The following SETBP1 variants were observed in gnomAD, a reference collection of about 807,000 sequenced individuals.
The protein encoded by SETBP1 is SET-binding protein.
SETBP1 carries 9 observed loss-of-function variants against 101.0 expected under a neutral mutation model. The ratio of observed to expected loss-of-function variants is 0.09; its 90% CI spans 0.05 to 0.16. The LOEUF is 0.16. SETBP1 is among the 10% of genes least tolerant of loss of function. The pLI, the probability that SETBP1 is intolerant of heterozygous loss-of-function variation, is 1.00. For missense variants in SETBP1, 1,858 were observed against 2,033.8 expected (o/e 0.91, Z 1.66); for synonymous variants, 818 against 788.5 (o/e 1.04, Z -0.63).
rs78490077 is a variant in SETBP1 at position 44,821,347 on chromosome 18, T to A, written c.487-47883T>A. On this transcript the variant is annotated intron_variant, in intron 2 of 5. Transcript: ENST00000649279. ...CTCTTTCCTTTTGCATCTGTCATTA[T>A]GGTCACATCAGTCTCCTGGATTTCC... Among the ~76,000 whole-genome samples the A allele has an allele frequency of 7.6e-3, 1,159 of 152,342 alleles. 14 individuals are homozygous for A. Among genetic ancestry groups the A allele is most frequent in the African/African-American group, 0.026 (1,091 of 41,572 alleles).
intron 4 of SETBP1, among the ~76,000 whole-genome samples, chr18:44,959,296 G>C (rs1433202410): frequency 6.6e-6 from 1 of 152,114 alleles, no homozygotes; most frequent in Non-Finnish European, 1.5e-5. Flanking sequence ...AGATAAGCAA[G>C]GCACCTTTGG....
intron 2 of SETBP1, among the ~76,000 whole-genome samples, chr18:44,776,733 A>T (rs528818966): frequency 1.3e-5 from 2 of 152,350 alleles, no homozygotes; most frequent in South Asian, 4.1e-4. Flanking sequence ...CCCCAGGGAG[A>T]TAATATCCTA....
At chr18:44,895,250 GA>G in intron 3 of SETBP1, among the ~76,000 whole-genome samples, 1 of 78,774 alleles carries the variant, frequency 1.3e-5, no homozygotes, top group Non-Finnish European at 2.6e-5. Context: ...GAGGGGGAGG[GA>G]GGGAGGAAGG....
intron 4 of SETBP1, among the ~76,000 whole-genome samples, chr18:45,016,325 G>A (rs1008097937): frequency 6.6e-6 from 1 of 152,162 alleles, no homozygotes; most frequent in Admixed American, 6.5e-5. Context: ...GTGCAACTGA[G>A]AAACCCAGGG....
chr18:44,887,307 G>A lies in SETBP1; in HGVS notation c.540+18024G>A, dbSNP rs760980036. The stretch of plus-strand genomic sequence containing the variant: ...TTTGGGACATGTTTGATGACTGAAG[G>A]GAGCTGAGCACTATGCATTTGGAGG... On this transcript the variant is annotated intron_variant, in intron 3 of 5. Transcript: ENST00000649279. Among the ~76,000 whole-genome samples, 3 of 152,076 alleles carry A rather than the reference G, an allele frequency of 2.0e-5. No individual in the cohort carries two copies. The East Asian group carries it at 5.8e-4, about 29-fold the overall frequency.
intron 3 of SETBP1, among the ~76,000 whole-genome samples, chr18:44,949,213 A>T (rs186322999): frequency 6.6e-6 from 1 of 152,214 alleles, no homozygotes; most frequent in Admixed American, 6.5e-5. Context: ...CGATTGGCCC[A>T]CTTTTTCCCA....
chr18:44,878,035 TG>T (rs550042710), intron 3 of SETBP1, among the ~76,000 whole-genome samples: 1 of 152,084 alleles, frequency 6.6e-6, no homozygotes, highest in South Asian at 2.1e-4. Flanking sequence ...AGGTGGGTGT[TG>T]GGGGGTAGGT....
At chr18:45,021,883 G>A (rs1219575783) in intron 4 of SETBP1, among the ~76,000 whole-genome samples, 3 of 152,092 alleles carry the variant, frequency 2.0e-5, no homozygotes. Flanking sequence ...TTCCCTCATA[G>A]TGCCTAGAAA....
chr18:44,914,647 A>G (rs1043125895), intron 3 of SETBP1, among the ~76,000 whole-genome samples: 71 of 152,264 alleles, frequency 4.7e-4, no homozygotes, highest in Non-Finnish European at 8.8e-5. Context: ...AGAGGTGAGG[A>G]TGGATACCAC....
At chr18:44,755,973 TG>T (rs1303515610) in intron 2 of SETBP1, among the ~76,000 whole-genome samples, 2 of 152,118 alleles carry the variant, frequency 1.3e-5, no homozygotes, top group Non-Finnish European at 2.9e-5. Context: ...CCCAGCACTT[TG>T]GGAGGCCGAG....
At chr18:44,722,686 C>T (rs1044686268) in intron 2 of SETBP1, among the ~76,000 whole-genome samples, 4 of 152,088 alleles carry the variant, frequency 2.6e-5, no homozygotes, top group Non-Finnish European at 5.9e-5. Flanking sequence ...TTCGGGAGTA[C>T]GCTCATGAAG....
intron 4 of SETBP1, among the ~76,000 whole-genome samples, chr18:44,982,017 G>A (rs974102823): frequency 6.6e-5 from 10 of 152,124 alleles, no homozygotes; most frequent in Admixed American, 3.3e-4. Flanking sequence ...CTTATTGTAG[G>A]AAGCATAAAA....
chr18:44,877,168 G>A (rs995463096), intron 3 of SETBP1: 4 of 958,884 alleles, frequency 4.2e-6, no homozygotes, highest in African/African-American at 1.8e-5. Flanking sequence ...GGCCTGTCAA[G>A]TGTGTGTCGC....
At chr18:44,945,688 G>A (rs2071190849) in intron 3 of SETBP1, among the ~76,000 whole-genome samples, 1 of 152,190 alleles carries the variant, frequency 6.6e-6, no homozygotes, top group African/African-American at 2.4e-5. Context: ...TCCCTCACAT[G>A]TTAGCTGTTT....
chr18:44,681,124 G>A (rs1484629889), intron 1 of SETBP1, 103 bp downstream of exon 1: 3 of 152,184 alleles, frequency 2.0e-5, no homozygotes, highest in Non-Finnish European at 4.4e-5. Context: ...TTGGGACTCT[G>A]AAAAGATAGG....
chr18:45,002,235 C>T lies in SETBP1; in HGVS notation c.4001-36250C>T, dbSNP rs777067095. On this transcript the variant is annotated intron_variant, in intron 4 of 5. Coordinates refer to ENST00000649279, the MANE Select transcript of SETBP1 (RefSeq NM_015559.3). ...CCTAGAACCCCAGCTTTCAGATCTGCGATCTGAAAAGGGCAAAGAGTGGAA... is the reference window on the plus strand; with the variant it reads ...CCTAGAACCCCAGCTTTCAGATCTGTGATCTGAAAAGGGCAAAGAGTGGAA... Among the ~76,000 whole-genome samples the T allele has an allele frequency of 7.9e-5, 12 of 151,712 alleles. 1 individual carries two copies. Among genetic ancestry groups the T allele is most frequent in the East Asian group, 5.8e-4 (3 of 5,154 alleles).
chr18:45,050,951 T>G (rs1440873513), intron 5 of SETBP1, among the ~76,000 whole-genome samples: 1 of 152,218 alleles, frequency 6.6e-6, no homozygotes, highest in East Asian at 1.9e-4. Flanking sequence ...AGTGCCTACC[T>G]AGTCACAATC....
intron 1 of SETBP1, among the ~76,000 whole-genome samples, chr18:44,682,452 G>A (rs1344467934): frequency 6.6e-6 from 1 of 152,178 alleles, no homozygotes; most frequent in Non-Finnish European, 1.5e-5. Flanking sequence ...TTAAGATGTA[G>A]CTAGTTTACC....
chr18:44,686,990 T>G (rs1433307311), intron 1 of SETBP1, among the ~76,000 whole-genome samples: 3 of 152,214 alleles, frequency 2.0e-5, no homozygotes, highest in Non-Finnish European at 4.4e-5. Flanking sequence ...TCCAATTGTA[T>G]TTTTTGTCCA....
Sources: allele counts gnomAD v4.1 joint callset (sites outside exome capture counted in the v4.1 genomes callset), GRCh38; gene constraint gnomAD v4.1.1; transcripts MANE v1.5; gene names NCBI Gene and HGNC (gene_info 2026-07-23, HGNC 2026-07-21).